The following DISC1 variants were observed in gnomAD, a reference collection of about 807,000 sequenced individuals.
DISC1 encodes DISC1 scaffold protein.
DISC1 carries 57 observed loss-of-function variants against 84.5 expected under a neutral mutation model. The ratio of observed to expected loss-of-function variants is 0.67; its 90% CI spans 0.55 to 0.84. The LOEUF (loss-of-function observed/expected upper bound fraction) is 0.84, where lower values mean the gene tolerates loss of function less well. Ranked by LOEUF, DISC1 falls within the 40% of genes least tolerant of loss-of-function variation. The pLI is 0.00. For synonymous variants in DISC1, 411 were observed against 415.2 expected (o/e 0.99, Z 0.12); for missense variants, 1,000 against 1,057.8 (o/e 0.95, Z 0.76).
chr1:231,881,662 A>G (rs569689092), intron 9 of DISC1, among the ~76,000 whole-genome samples: 2 of 152,186 alleles, frequency 1.3e-5, no homozygotes, highest in African/African-American at 4.8e-5. Context: ...CCGCTTCAAG[A>G]CGAGCACTTC....
At chr1:231,969,370 C>G (rs1219887205) in intron 10 of DISC1, among the ~76,000 whole-genome samples, 1 of 151,912 alleles carries the variant, frequency 6.6e-6, no homozygotes, top group African/African-American at 2.4e-5. Context: ...CACTGCTGCT[C>G]TCAGAATGGA....
intron 1 of DISC1, among the ~76,000 whole-genome samples, chr1:231,671,793 A>G (rs961783421): frequency 3.9e-5 from 6 of 152,228 alleles, no homozygotes; most frequent in African/African-American, 9.6e-5. Context: ...TGGGCAAGCT[A>G]CTTAACCTCT....
In DISC1 at chr1:231,860,393, A is replaced by C. The variant is rs75711735; in HGVS notation, c.1981+41876A>C. Among the ~76,000 whole-genome samples the C allele has an allele frequency of 0.027, 4,070 of 152,268 alleles. 274 individuals are homozygous for C. In the East Asian group the frequency reaches 0.28, roughly 10 times the overall value. On this transcript the variant is annotated intron_variant, in intron 9 of 12. Coordinates refer to ENST00000439617, the MANE Select transcript of DISC1 (RefSeq NM_018662.3). Reference sequence around the variant, plus strand: ...TTGAGCATCTCTAATCCCAAAATCCAAAATCCAAAATCCAAAATGCTCCTG... The same window carrying C: ...TTGAGCATCTCTAATCCCAAAATCCCAAATCCAAAATCCAAAATGCTCCTG...
intron 9 of DISC1, among the ~76,000 whole-genome samples, chr1:231,958,454 A>T (rs1188310623): frequency 2.0e-5 from 3 of 152,198 alleles, no homozygotes; most frequent in African/African-American, 7.2e-5. Context: ...GAATCATTAC[A>T]CTGTCAGGTT....
Position 231,876,661 on chromosome 1 carries a change from G to A in DISC1, c.1981+58144G>A, listed in dbSNP as rs200218019. Reference sequence around the variant, plus strand: ...AGCTTTGTGTCTGAACACTCCACACGTTTTAGCATTCCTGAATCCTAGAAT... The same window carrying A: ...AGCTTTGTGTCTGAACACTCCACACATTTTAGCATTCCTGAATCCTAGAAT... On this transcript the variant is annotated intron_variant, in intron 9 of 12. Coordinates refer to ENST00000439617, the MANE Select transcript of DISC1 (RefSeq NM_018662.3). Among the ~76,000 whole-genome samples the A allele has an allele frequency of 3.6e-4, 55 of 152,286 alleles. 1 individual carries two copies. The highest frequency in any genetic ancestry group is 7.2e-4 in the Non-Finnish European group (49 of 68,030).
intron 10 of DISC1, among the ~76,000 whole-genome samples, chr1:231,984,055 G>A (rs1453933956): frequency 6.6e-6 from 1 of 152,174 alleles, no homozygotes; most frequent in African/African-American, 2.4e-5. Flanking sequence ...ATTCAAACAT[G>A]AGCAGTCAGT....
intron 8 of DISC1, among the ~76,000 whole-genome samples, chr1:231,810,676 C>T (rs574235680): frequency 9.9e-5 from 15 of 152,172 alleles, no homozygotes; most frequent in African/African-American, 3.4e-4. Context: ...GTTATCAATG[C>T]GGGGAAGCTG....
rs1469571986 is a variant in DISC1 at position 232,037,959 on chromosome 1, C to T, written c.*1128C>T. The T allele has an allele frequency of 6.8e-6, 1 of 147,734 alleles. No individual in the cohort carries two copies. The highest frequency in any genetic ancestry group is 1.5e-5 in the Non-Finnish European group (1 of 66,186). The allele number at this position is 147,734 out of a possible 1,614,324, so 9.2% of individuals were successfully genotyped here. On this transcript the variant is annotated 3_prime_UTR_variant, in exon 13 of 13. Coordinates refer to ENST00000439617, the MANE Select transcript of DISC1 (RefSeq NM_018662.3). Reference sequence around the variant, plus strand: ...TCAGTAACAGTGCAGTACTCAGTAACAGTGCAGTACTCAGTAAGGCAGTGC... The same window carrying T: ...TCAGTAACAGTGCAGTACTCAGTAATAGTGCAGTACTCAGTAAGGCAGTGC...
At chr1:232,024,571 C>A (rs929054564) in intron 11 of DISC1, among the ~76,000 whole-genome samples, 4 of 151,712 alleles carry the variant, frequency 2.6e-5, no homozygotes, top group Non-Finnish European at 5.9e-5. Context: ...AAGATGAATA[C>A]GTATCTTAAT....
At chr1:231,804,012 C>T (rs2079511235) in intron 8 of DISC1, among the ~76,000 whole-genome samples, 1 of 144,068 alleles carries the variant, frequency 6.9e-6, no homozygotes, top group Non-Finnish European at 1.5e-5. Flanking sequence ...TTCAAAGTCA[C>T]ACAGCATCAC....
intron 1 of DISC1, among the ~76,000 whole-genome samples, chr1:231,681,047 G>A (rs2063637485): frequency 6.6e-6 from 1 of 152,200 alleles, no homozygotes; most frequent in South Asian, 2.1e-4. Context: ...TTTTATTAGG[G>A]CAGCAGTTAA....
At chr1:231,875,072 C>T (rs1007829917) in intron 9 of DISC1, among the ~76,000 whole-genome samples, 5 of 152,204 alleles carry the variant, frequency 3.3e-5, no homozygotes, top group African/African-American at 9.7e-5. Flanking sequence ...CTCTGCCAAC[C>T]TTATGCTGTC....
At chr1:231,956,583 C>G (rs1435030916) in intron 9 of DISC1, among the ~76,000 whole-genome samples, 1 of 152,120 alleles carries the variant, frequency 6.6e-6, no homozygotes, top group African/African-American at 2.4e-5. Context: ...ACTCAGAACA[C>G]TCAAAATCCT....
At chr1:231,779,441 A>G (rs1025254562) in intron 6 of DISC1, among the ~76,000 whole-genome samples, 3 of 151,620 alleles carry the variant, frequency 2.0e-5, no homozygotes, top group Non-Finnish European at 4.4e-5. Context: ...CATAAGTTGT[A>G]TATAACATGT....
chr1:231,723,032 G>T, intron 3 of DISC1: 2 of 1,100,124 alleles, frequency 1.8e-6, no homozygotes, highest in Non-Finnish European at 2.2e-6. Flanking sequence ...TTTTCCCCTT[G>T]GTGGCAATAT....
rs1257463730 is a variant in DISC1, at chr1:231,694,822, C to T, written c.1047+17C>T. The T allele has an allele frequency of 2.5e-6, 4 of 1,611,428 alleles. No homozygotes were observed. The highest frequency in any genetic ancestry group is 2.5e-6 in the Non-Finnish European group (3 of 1,179,222). The stretch of plus-strand genomic sequence containing the variant: ...CAGATGGAGGTCAGTGTCTCTTCCA[C>T]CTCTGTGGCCCGAGATTGTCGTGAG... On this transcript the variant is annotated intron_variant, in intron 2 of 12. Coordinates refer to ENST00000439617, the MANE Select transcript of DISC1 (RefSeq NM_018662.3).
At chr1:231,930,836 C>T (rs2090612782) in intron 9 of DISC1, among the ~76,000 whole-genome samples, 1 of 152,096 alleles carries the variant, frequency 6.6e-6, no homozygotes, top group Non-Finnish European at 1.5e-5. Flanking sequence ...ACTAGATGTA[C>T]AAGATTACAA....
chr1:231,987,641 C>G (rs1382837925), intron 10 of DISC1, among the ~76,000 whole-genome samples: 3 of 152,144 alleles, frequency 2.0e-5, no homozygotes, highest in Non-Finnish European at 4.4e-5. Context: ...ACCCAGGTAC[C>G]TGGGACTCCA....
chr1:231,878,280 C>T (rs966812398), intron 9 of DISC1, among the ~76,000 whole-genome samples: 3 of 152,010 alleles, frequency 2.0e-5, no homozygotes, highest in African/African-American at 7.2e-5. Context: ...AAGGAAGGTA[C>T]AAGAGTGTGA....
Sources: allele counts gnomAD v4.1 joint callset (sites outside exome capture counted in the v4.1 genomes callset), GRCh38; gene constraint gnomAD v4.1.1; transcripts MANE v1.5; gene names NCBI Gene and HGNC (gene_info 2026-07-23, HGNC 2026-07-21).